Variants in CTNNA3 observed in about 807,000 individuals in gnomAD.
The protein encoded by CTNNA3 is catenin alpha-3.
CTNNA3 carries 76 observed loss-of-function variants against 95.7 expected under a neutral mutation model. The ratio of observed to expected loss-of-function variants is 0.79; its 90% CI spans 0.66 to 0.96. The LOEUF is 0.96. CTNNA3 is among the 40% of genes least tolerant of loss of function. CTNNA3 has a pLI of 0.00. For missense variants in CTNNA3, 1,191 were observed against 1,089.8 expected (o/e 1.09, Z -1.31); for synonymous variants, 431 against 374.4 (o/e 1.15, Z -1.74).
chr10:67,387,736 A>C (rs1844252436), intron 5 of CTNNA3, among the ~76,000 whole-genome samples: 1 of 152,214 alleles, frequency 6.6e-6, no homozygotes, highest in South Asian at 2.1e-4. Flanking sequence ...CTGCCTCCTC[A>C]AGTGGGTCCC....
At chr10:66,300,099 G>T (rs575552220) in intron 12 of CTNNA3, among the ~76,000 whole-genome samples, 3 of 151,624 alleles carry the variant, frequency 2.0e-5, no homozygotes, top group Non-Finnish European at 4.4e-5. Flanking sequence ...TCACCATGTT[G>T]GCCAGGCTGG....
intron 2 of CTNNA3, among the ~76,000 whole-genome samples, chr10:67,615,652 GTAT>G (rs1402340429): frequency 7.0e-6 from 1 of 142,132 alleles, no homozygotes; most frequent in Admixed American, 7.2e-5. Context: ...ACAACGGCAG[GTAT>G]TCTTTTTTTT....
intron 7 of CTNNA3, among the ~76,000 whole-genome samples, chr10:66,909,283 G>A (rs1846121736): frequency 6.6e-6 from 1 of 152,102 alleles, no homozygotes. Context: ...AGGAGGCCAA[G>A]GCAGATGGAT....
intron 9 of CTNNA3, among the ~76,000 whole-genome samples, chr10:66,636,517 C>A (rs554721764): frequency 3.9e-4 from 59 of 151,944 alleles, no homozygotes; most frequent in Non-Finnish European, 7.5e-4. Context: ...TAGAGCAAAC[C>A]AACATATGAA....
intron 11 of CTNNA3, among the ~76,000 whole-genome samples, chr10:66,452,275 G>C (rs1025835219): frequency 5.9e-5 from 9 of 151,908 alleles, no homozygotes; most frequent in Admixed American, 5.9e-4. Context: ...TTTTCCATTA[G>C]ACTTTTTGTC....
chr10:66,846,738 A>G (rs983901634), intron 7 of CTNNA3, among the ~76,000 whole-genome samples: 1 of 152,144 alleles, frequency 6.6e-6, no homozygotes, highest in African/African-American at 2.4e-5. Flanking sequence ...GCTTCCTCCA[A>G]TCCAACCTTC....
intron 11 of CTNNA3, among the ~76,000 whole-genome samples, chr10:66,515,099 G>A (rs7914764): frequency 1.3e-5 from 2 of 151,854 alleles, no homozygotes; most frequent in African/African-American, 4.8e-5. Context: ...TTCCTCTGTG[G>A]TAATAACAAA....
At chr10:67,344,679 G>T (rs1021433361) in intron 5 of CTNNA3, among the ~76,000 whole-genome samples, 1 of 151,896 alleles carries the variant, frequency 6.6e-6, no homozygotes, top group South Asian at 2.1e-4. Flanking sequence ...AATTTCTGTG[G>T]TATCAGTTGT....
intron 16 of CTNNA3, among the ~76,000 whole-genome samples, chr10:65,987,337 A>C (rs758515896): frequency 6.6e-6 from 1 of 151,906 alleles, no homozygotes; most frequent in Non-Finnish European, 1.5e-5. Context: ...TATCAACAGA[A>C]GAATAAAACA....
chr10:66,183,691 T>A (rs1337512257), intron 13 of CTNNA3, among the ~76,000 whole-genome samples: 1 of 152,226 alleles, frequency 6.6e-6, no homozygotes, highest in Non-Finnish European at 1.5e-5. Flanking sequence ...TACCTAAATG[T>A]TGATTTATTT....
intron 7 of CTNNA3, among the ~76,000 whole-genome samples, chr10:67,139,248 T>A (rs986213331): frequency 6.6e-6 from 1 of 151,614 alleles, no homozygotes; most frequent in African/African-American, 2.4e-5. Context: ...TTCTCCTGCT[T>A]CAGCCTCCCG....
chr10:66,444,877 G>A (rs1248098671), intron 11 of CTNNA3, among the ~76,000 whole-genome samples: 1 of 152,096 alleles, frequency 6.6e-6, no homozygotes. Context: ...ACACAGACTG[G>A]CAAATTGGAT....
At position 66,351,662 on chromosome 10, in the gene CTNNA3, A is replaced by C. The variant is rs536265562; in HGVS notation, c.1732+27490T>G. On this transcript the variant is annotated intron_variant, in intron 12 of 17. Transcript: ENST00000433211. ...TAGATATTTACAAAAATAAATGAAT[A>C]AAAATAAAAATTTGCACTATCATGT... Among the ~76,000 whole-genome samples the C allele has an allele frequency of 2.6e-5, 4 of 152,140 alleles. No individual in the cohort carries two copies. The South Asian group carries it at 8.3e-4, about 32-fold the overall frequency.
intron 1 of CTNNA3, among the ~76,000 whole-genome samples, chr10:67,670,874 C>T (rs1228331053): frequency 6.6e-6 from 1 of 152,068 alleles, no homozygotes; most frequent in South Asian, 2.1e-4. Flanking sequence ...GAATATATAA[C>T]TTTATGTGTA....
At chr10:67,214,765 T>C (rs1041857437) in intron 6 of CTNNA3, among the ~76,000 whole-genome samples, 2 of 152,040 alleles carry the variant, frequency 1.3e-5, no homozygotes, top group African/African-American at 4.8e-5. Context: ...TGATTTACTA[T>C]CTTGTAACAT....
At chr10:67,147,165 C>T (rs533178877) in intron 7 of CTNNA3, among the ~76,000 whole-genome samples, 11 of 152,250 alleles carry the variant, frequency 7.2e-5, no homozygotes, top group African/African-American at 2.4e-4. Flanking sequence ...CATAAATTGA[C>T]CCTGTTCAAA....
At chr10:66,008,860 G>T (rs2078948128) in intron 15 of CTNNA3, among the ~76,000 whole-genome samples, 1 of 152,150 alleles carries the variant, frequency 6.6e-6, no homozygotes, top group Non-Finnish European at 1.5e-5. Flanking sequence ...CCAGCACTTT[G>T]TCAGGCTGAG....
intron 5 of CTNNA3, among the ~76,000 whole-genome samples, chr10:67,516,280 A>T (rs1194977666): frequency 6.6e-6 from 1 of 152,206 alleles, no homozygotes; most frequent in Non-Finnish European, 1.5e-5. Context: ...CCTTGTAGAT[A>T]AGCAATTCCC....
At chr10:66,938,141 ATAT>A (rs1420895489) in intron 7 of CTNNA3, among the ~76,000 whole-genome samples, 4 of 152,170 alleles carry the variant, frequency 2.6e-5, no homozygotes, top group Admixed American at 1.3e-4. Flanking sequence ...TATCAACCTT[ATAT>A]TTCTTTGTGT....
Sources: allele counts gnomAD v4.1 joint callset (sites outside exome capture counted in the v4.1 genomes callset), GRCh38; gene constraint gnomAD v4.1.1; transcripts MANE v1.5; gene names NCBI Gene and HGNC (gene_info 2026-07-23, HGNC 2026-07-21).